The following ZNF37A variants were observed in gnomAD, a reference collection of about 807,000 sequenced individuals.
The protein encoded by ZNF37A is zinc finger protein 37a (KOX 21).
In ZNF37A, 10 loss-of-function variants were observed where a neutral mutation model predicts 12.3. The ratio of observed to expected loss-of-function variants is 0.82; its 90% confidence interval spans 0.50 to 1.38. The LOEUF (loss-of-function observed/expected upper bound fraction) is 1.38. ZNF37A is among the 40% of genes most tolerant of loss of function. The pLI, the probability that ZNF37A is intolerant of heterozygous loss-of-function variation, is 0.00. For synonymous variants in ZNF37A, 207 were observed against 223.0 expected, an observed-to-expected ratio of 0.93 and a Z score of 0.64; for missense variants, 580 against 651.2, an observed-to-expected ratio of 0.89 and a Z score of 1.19.
intron 5 of ZNF37A, among the ~76,000 whole-genome samples, chr10:38,099,960 C>T (rs1205810458): frequency 2.0e-5 from 3 of 152,118 alleles, no homozygotes; most frequent in Admixed American, 6.6e-5. Flanking sequence ...CCGATAGTCA[C>T]GTAGGTTCTT....
At chr10:38,139,698 G>A (rs1442523917) in intron 7 of ZNF37A, 1 of 152,142 alleles carries the variant, frequency 6.6e-6, no homozygotes, top group Admixed American at 6.6e-5. Context: ...TTGCTAGTCA[G>A]TATGAGTTTT....
Position 38,095,102 on chromosome 10 carries a change from AT to A in ZNF37A, c.-316del. ...TGTGTCCCCATTAGCACCAGTGGGC[AT>A]TTTCAGAGGGTCCAGCTCATGGCTC... On this transcript the variant is annotated 5_prime_UTR_variant, in exon 2 of 8. Coordinates refer to ENST00000685332, the MANE Select transcript of ZNF37A (RefSeq NM_001324250.3). 6.5e-6 allele frequency: 1 copy of A among 152,694 alleles called. No homozygotes were observed. The highest frequency in any genetic ancestry group is 1.5e-5 in the Non-Finnish European group (1 of 68,316). 9.5% of individuals were successfully genotyped at this position (152,694 alleles called of 1,614,324 possible). A position where few individuals can be genotyped will look rare whatever the true frequency, so the allele number is the denominator to read the frequency against.
chr10:38,149,160 ACAAAATGATAGCTTAACCTATTAT>A (rs2070294619), exon 8 of ZNF37A: 1 of 152,128 alleles, frequency 6.6e-6, no homozygotes, highest in Non-Finnish European at 1.5e-5. Context: ...ATATTCTAAC[ACAAAATGATAGCTTAACCTATTAT>A]CCAATATTCC....
intron 5 of ZNF37A, among the ~76,000 whole-genome samples, chr10:38,108,085 A>T (rs972359070): frequency 7.2e-5 from 11 of 152,212 alleles, no homozygotes; most frequent in Non-Finnish European, 1.6e-4. Flanking sequence ...TTATTCTAAA[A>T]TTGACCACAT....
chr10:38,140,162 C>T (rs1306103008), intron 7 of ZNF37A: 2 of 152,176 alleles, frequency 1.3e-5, no homozygotes, highest in African/African-American at 4.8e-5. Flanking sequence ...AAATGCTACA[C>T]CACAAACACT....
intron 7 of ZNF37A, among the ~76,000 whole-genome samples, chr10:38,130,617 T>C (rs1315264520): frequency 6.6e-6 from 1 of 151,876 alleles, no homozygotes; most frequent in Non-Finnish European, 1.5e-5. Flanking sequence ...TGCACCACCA[T>C]GCCCAGCTAA....
intron 7 of ZNF37A, among the ~76,000 whole-genome samples, chr10:38,131,135 A>G (rs1314586418): frequency 6.6e-6 from 1 of 152,086 alleles, no homozygotes; most frequent in African/African-American, 2.4e-5. Flanking sequence ...GTTGGCAATT[A>G]TTTTATCATA....
Position 38,115,225 on chromosome 10 carries a change from T to C in ZNF37A, c.173T>C (p.Leu58Pro). ...GYCIPKPEVI[L>P]KLEKGEEPWI... Reference sequence around the variant, plus strand: ...TGCATTCCTAAACCAGAAGTGATTCTCAAGTTGGAGAAAGGCGAGGAGCCA... The same window carrying C: ...TGCATTCCTAAACCAGAAGTGATTCCCAAGTTGGAGAAAGGCGAGGAGCCA... The change falls in exon 7 of 8, where the codon CTC (leucine) becomes CCC (proline). Residue 58 changes from leucine to proline, a missense_variant. Leu to Pro is a moderately conservative substitution (Grantham distance 98, BLOSUM62 -3). Coordinates refer to ENST00000685332, the MANE Select transcript of ZNF37A (RefSeq NM_001324250.3). 6.2e-7 allele frequency: 1 copy of C among 1,613,788 alleles called. No homozygotes were observed. The highest frequency in any genetic ancestry group is 8.5e-7 in the Non-Finnish European group (1 of 1,179,946).
rs746313977 is a variant in ZNF37A, at chr10:38,114,746, A to G, written c.16-9A>G. ...TCACTTCAGACTGAGCAAAATTGTG[A>G]TTTTCCAGGGATCAGTGTCGTTTAG... On this transcript the variant is annotated splice_polypyrimidine_tract_variant and intron_variant, in intron 5 of 7. Coordinates refer to ENST00000685332, the MANE Select transcript of ZNF37A (RefSeq NM_001324250.3). 85 of 1,613,840 alleles carry G rather than the reference A, an allele frequency of 5.3e-5. No homozygotes were observed. The highest frequency in any genetic ancestry group is 6.3e-5 in the Non-Finnish European group (74 of 1,179,978).
intron 5 of ZNF37A, among the ~76,000 whole-genome samples, chr10:38,112,003 C>T (rs2068715537): frequency 6.6e-6 from 1 of 151,532 alleles, no homozygotes; most frequent in African/African-American, 2.4e-5. Flanking sequence ...CTCCGCCTCC[C>T]GGGTTTTTGC....
Position 38,112,738 on chromosome 10 carries a change from T to TGTCTTGTCTTGTCTTGTCTTG in ZNF37A, c.16-2017_16-2016insGTCTTGTCTTGTCTTGTCTTG. Among the ~76,000 whole-genome samples, 13 of 58,932 alleles carry TGTCTTGTCTTGTCTTGTCTTG rather than the reference T, an allele frequency of 2.2e-4. 2 individuals are homozygous for TGTCTTGTCTTGTCTTGTCTTG. Among genetic ancestry groups the TGTCTTGTCTTGTCTTGTCTTG allele is most frequent in the African/African-American group, 7.5e-4 (12 of 15,968 alleles). The allele number at this position is 58,932 out of a possible 152,430, so 38.7% of individuals were successfully genotyped here. On this transcript the variant is annotated intron_variant, in intron 5 of 7. Coordinates refer to ENST00000685332, the MANE Select transcript of ZNF37A (RefSeq NM_001324250.3). ...TTCTGTATTTTACATCCATTTTCTT[T>TGTCTTGTCTTGTCTTGTCTTG]TCTTTTCTTTTCTTTTCTTTTCTTT...
At position 38,149,974 on chromosome 10, in the gene ZNF37A, G is replaced by A. The variant is rs1405807330; in HGVS notation, c.*3154G>A. On this transcript the variant is annotated 3_prime_UTR_variant, in exon 8 of 8. Transcript: ENST00000638053. ...TTTATGGCTTTATTCTTTGCGTTATGTCCAGTGCCTAGAAAAGTACCTGGT... is the reference window on the plus strand; with the variant it reads ...TTTATGGCTTTATTCTTTGCGTTATATCCAGTGCCTAGAAAAGTACCTGGT... The A allele has an allele frequency of 2.0e-5, 3 of 152,310 alleles. No individual in the cohort carries two copies. The East Asian group carries it at 5.8e-4, about 29-fold the overall frequency. The allele number at this position is 152,310 out of a possible 1,614,324, so 9.4% of individuals were successfully genotyped here.
At chr10:38,126,548 C>A (rs1201628493), downstream of ZNF37A, among the ~76,000 whole-genome samples, 1 of 152,236 alleles carries the variant, frequency 6.6e-6, no homozygotes, top group African/African-American at 2.4e-5. Context: ...GGCCAAACAA[C>A]ACATTTGTTC....
At chr10:38,097,583 C>CAAAAAAAAAAAAAAAAAAAAAAAAA (rs71007695) in intron 5 of ZNF37A, among the ~76,000 whole-genome samples, 8 of 61,946 alleles carry the variant, frequency 1.3e-4, no homozygotes, top group African/African-American at 2.3e-4. Context: ...GACTCTGTCT[C>CAAAAAAAAAAAAAAAAAAAAAAAAA]AAAAAAAAAA....
At position 38,123,371 on chromosome 10, in the gene ZNF37A, A is replaced by G. The variant is rs2069825650; in HGVS notation, c.*4534A>G. 6.6e-6 allele frequency: 1 copy of G among 152,226 alleles called. No homozygotes were observed. Among genetic ancestry groups the G allele is most frequent in the Non-Finnish European group, 1.5e-5 (1 of 68,036 alleles). 9.4% of individuals were successfully genotyped at this position (152,226 alleles called of 1,614,324 possible). On this transcript the variant is annotated 3_prime_UTR_variant, in exon 8 of 8. Coordinates refer to ENST00000685332, the MANE Select transcript of ZNF37A (RefSeq NM_001324250.3). ...ATTAAAATAATAGCAGTTTCTATAA[A>G]TTTAATATTTCAATAAAACTCCCAG...
In ZNF37A at chr10:38,130,673, T is replaced by C. The variant is rs538508065; in HGVS notation, c.238+15383T>C. Among the ~76,000 whole-genome samples the C allele has an allele frequency of 2.0e-5, 3 of 152,218 alleles. No homozygotes were observed. In the East Asian group the frequency reaches 5.8e-4, roughly 29 times the overall value. ...GAAGTACAGACTGGGTTTCACCATG[T>C]TAGCTAGGCTGTTCTCGAATTCCTG... On this transcript the variant is annotated intron_variant, in intron 7 of 7. Coordinates refer to the ZNF37A transcript ENST00000638053.
At chr10:38,103,276 AT>A (rs2067744715) in intron 5 of ZNF37A, among the ~76,000 whole-genome samples, 2 of 152,016 alleles carry the variant, frequency 1.3e-5, no homozygotes, top group Non-Finnish European at 2.9e-5. Flanking sequence ...AGTGTCTTCA[AT>A]TTTGCTGATT....
At chr10:38,127,987 G>A (rs1169034192), downstream of ZNF37A, among the ~76,000 whole-genome samples, 1 of 152,134 alleles carries the variant, frequency 6.6e-6, no homozygotes, top group Non-Finnish European at 1.5e-5. Context: ...AGTTGAAACT[G>A]AGAGAGGGTG....
chr10:38,105,342 C>T (rs1191997648), intron 5 of ZNF37A, among the ~76,000 whole-genome samples: 1 of 152,128 alleles, frequency 6.6e-6, no homozygotes, highest in Non-Finnish European at 1.5e-5. Context: ...TACCTGTCTC[C>T]TCAGCTCTGG....
Sources: allele counts gnomAD v4.1 joint callset (sites outside exome capture counted in the v4.1 genomes callset), GRCh38; gene constraint gnomAD v4.1.1; transcripts MANE v1.5; gene names NCBI Gene and HGNC (gene_info 2026-07-23, HGNC 2026-07-21).